LAMA2: variants seen among roughly 807,000 people sequenced by gnomAD.
LAMA2 encodes laminin subunit alpha-2.
Under a neutral mutation model 364.8 loss-of-function variants are expected in LAMA2, and 269 were observed. The ratio of observed to expected loss-of-function variants is 0.74; its 90% CI spans 0.67 to 0.82. LAMA2 has a LOEUF of 0.82. Ranked by LOEUF, LAMA2 falls within the 40% of genes least tolerant of loss-of-function variation. The pLI is 0.00. For synonymous variants in LAMA2, 1,379 were observed against 1,370.6 expected (o/e 1.01, Z -0.14); for missense variants, 3,807 against 3,873.2 (o/e 0.98, Z 0.45).
chr6:128,890,086 T>C (rs1453070796), intron 1 of LAMA2, among the ~76,000 whole-genome samples: 1 of 152,168 alleles, frequency 6.6e-6, no homozygotes, highest in Non-Finnish European at 1.5e-5. Context: ...TATGTCTCTG[T>C]ATGTGTAGTC....
chr6:128,986,690 T>A (rs1176975636), intron 1 of LAMA2, among the ~76,000 whole-genome samples: 1 of 152,148 alleles, frequency 6.6e-6, no homozygotes, highest in Non-Finnish European at 1.5e-5. Context: ...TTTATATTTA[T>A]AAAGCATCCC....
At chr6:128,889,449 C>T (rs190966728) in intron 1 of LAMA2, among the ~76,000 whole-genome samples, 41 of 152,168 alleles carry the variant, frequency 2.7e-4, no homozygotes, top group East Asian at 1.9e-4. Flanking sequence ...TTAACAATAA[C>T]GTTTTGGACT....
intron 12 of LAMA2, among the ~76,000 whole-genome samples, chr6:129,229,514 G>A (rs1784541948): frequency 6.6e-6 from 1 of 152,136 alleles, no homozygotes; most frequent in Non-Finnish European, 1.5e-5. Context: ...TTCTTGCAAT[G>A]CAATGAGAAA....
rs998192710 is a variant in LAMA2, at chr6:129,460,365, A to G, written c.6992+41A>G. 1.1e-5 allele frequency: 18 copies of G among 1,601,310 alleles called. 1 individual carries two copies. In the African/African-American group the frequency reaches 2.1e-4, roughly 19 times the overall value. ...AACTCTCCCAGGGTCTGTCCTGTGC[A>G]TAATAAAAGCTTCGATTTTATTGCA... On this transcript the variant is annotated intron_variant, in intron 49 of 64. Coordinates refer to ENST00000421865, the MANE Select transcript of LAMA2 (RefSeq NM_000426.4).
intron 28 of LAMA2, among the ~76,000 whole-genome samples, chr6:129,327,196 C>G (rs1392047355): frequency 6.6e-6 from 1 of 152,068 alleles, no homozygotes; most frequent in African/African-American, 2.4e-5. Context: ...AATTGAAGTA[C>G]TTTTGCATTA....
intron 41 of LAMA2, among the ~76,000 whole-genome samples, chr6:129,429,982 G>A (rs1393569964): frequency 6.6e-6 from 1 of 151,932 alleles, no homozygotes; most frequent in Admixed American, 6.6e-5. Flanking sequence ...TATTTTTTTT[G>A]TAGTTCAGGT....
At position 129,384,998 on chromosome 6, in the gene LAMA2, T is replaced by C. The variant is rs1451176717; in HGVS notation, c.5071+1765T>C. On this transcript the variant is annotated intron_variant, in intron 35 of 64. Coordinates refer to ENST00000421865, the MANE Select transcript of LAMA2 (RefSeq NM_000426.4). ...GTACCAGAGCAACACTAAATGTTCA[T>C]TGAGATGTAATACAAAGCTTGGCAG... 3.0e-5 allele frequency among the ~76,000 whole-genome samples: 4 copies of C among 133,404 alleles called. 1 individual carries two copies. 87.5% of individuals were successfully genotyped at this position (133,404 alleles called of 152,430 possible).
intron 10 of LAMA2, among the ~76,000 whole-genome samples, chr6:129,179,526 C>T (rs1780806690): frequency 6.6e-6 from 1 of 151,970 alleles, no homozygotes; most frequent in South Asian, 2.1e-4. Flanking sequence ...AGGGAAAGCC[C>T]CTTGAGCTAC....
intron 1 of LAMA2, among the ~76,000 whole-genome samples, chr6:129,049,392 T>C (rs1369144882): frequency 6.6e-6 from 1 of 152,152 alleles, no homozygotes; most frequent in Admixed American, 6.5e-5. Flanking sequence ...GCAGTAAAAA[T>C]TGGTATTCCA....
At position 129,473,303 on chromosome 6, in the gene LAMA2, G is replaced by A; in HGVS notation, c.7390G>A (p.Ala2464Thr). Residue 2464 changes from alanine to threonine, a missense_variant, in exon 52 of 65, where the codon GCA (alanine) becomes ACA (threonine). Around this residue, in one of 3 missense-constraint regions of LAMA2, gnomAD observed 3,333 missense variants for 3,345.7 expected, o/e 1.00. Coordinates refer to ENST00000421865, the MANE Select transcript of LAMA2 (RefSeq NM_000426.4). The stretch of plus-strand genomic sequence containing the variant: ...AAACAACTTTGGTCTTGACTTGAAA[G>A]CAGATGACAAAATATATTTTGGTGG... Reference protein sequence around the residue: ...SGNNFGLDLKADDKIYFGGLP... With the variant: ...SGNNFGLDLKTDDKIYFGGLP... 1 of 1,612,586 alleles carries A rather than the reference G, an allele frequency of 6.2e-7. No homozygotes were observed. The highest frequency in any genetic ancestry group is 1.3e-5 in the African/African-American group (1 of 74,934).
intron 1 of LAMA2, among the ~76,000 whole-genome samples, chr6:129,016,779 CTGA>C (rs1349710337): frequency 6.6e-6 from 1 of 151,680 alleles, no homozygotes; most frequent in Non-Finnish European, 1.5e-5. Flanking sequence ...AAATAATATA[CTGA>C]TAATATGATC....
At chr6:129,378,274 A>G (rs1206172386) in intron 34 of LAMA2, among the ~76,000 whole-genome samples, 2 of 152,232 alleles carry the variant, frequency 1.3e-5, no homozygotes, top group Non-Finnish European at 1.5e-5. Context: ...GAAAGAGCCA[A>G]ACTGAATCAG....
At chr6:128,917,706 T>TTTCC (rs1554322938) in intron 1 of LAMA2, among the ~76,000 whole-genome samples, 1 of 98,366 alleles carries the variant, frequency 1.0e-5, no homozygotes, top group Non-Finnish European at 1.9e-5. Flanking sequence ...TTTCTTTTTT[T>TTTCC]TTTCTTTCTT....
chr6:128,996,326 T>C (rs954582495), intron 1 of LAMA2, among the ~76,000 whole-genome samples: 5 of 152,110 alleles, frequency 3.3e-5, no homozygotes, highest in Admixed American at 1.3e-4. Context: ...AGAGAAACTA[T>C]CATCAGAGTA....
At chr6:128,982,080 C>T (rs1782923052) in intron 1 of LAMA2, among the ~76,000 whole-genome samples, 1 of 152,104 alleles carries the variant, frequency 6.6e-6, no homozygotes, top group African/African-American at 2.4e-5. Context: ...TCTTTATTAG[C>T]TTTTTTATAC....
intron 4 of LAMA2, among the ~76,000 whole-genome samples, chr6:129,101,230 T>C (rs560349151): frequency 2.0e-5 from 3 of 152,288 alleles, no homozygotes; most frequent in East Asian, 1.9e-4. Flanking sequence ...ATTGAGAAGA[T>C]AACTTCTCAG....
At chr6:129,435,973 C>T (rs546840727) in intron 41 of LAMA2, among the ~76,000 whole-genome samples, 3 of 152,248 alleles carry the variant, frequency 2.0e-5, no homozygotes, top group African/African-American at 7.2e-5. Flanking sequence ...TGCTGTAGCT[C>T]TATTCTTTGG....
At chr6:129,249,188 G>A (rs1785992039) in intron 12 of LAMA2, among the ~76,000 whole-genome samples, 1 of 152,124 alleles carries the variant, frequency 6.6e-6, no homozygotes, top group Non-Finnish European at 1.5e-5. Context: ...GCCATAGAGA[G>A]CCAACCCTGC....
At chr6:129,312,001 G>A (rs887207680) in intron 22 of LAMA2, among the ~76,000 whole-genome samples, 1 of 142,524 alleles carries the variant, frequency 7.0e-6, no homozygotes, top group Non-Finnish European at 1.5e-5. Context: ...ACAGAGTGAT[G>A]TACTTTAAGA....
Sources: gnomAD v4.1 joint callset for allele counts (sites outside exome capture counted in the v4.1 genomes callset) on GRCh38, gnomAD v4.1.1 for gene constraint, gnomAD v4.1.1 regional missense constraint, MANE v1.5 for transcripts, NCBI Gene and HGNC (gene_info 2026-07-23, HGNC 2026-07-21) for gene names.